The following EPHA6 variants were observed in gnomAD, a reference collection of about 807,000 sequenced individuals.
EPHA6 encodes EPH receptor A6.
EPHA6 carries 50 observed loss-of-function variants against 112.0 expected under a neutral mutation model. The observed-to-expected ratio is 0.45, with a 90% CI of 0.36 to 0.56. The LOEUF (loss-of-function observed/expected upper bound fraction) is 0.56, where lower values mean the gene tolerates loss of function less well. Among genes scored for constraint, EPHA6 ranks in the 20% least tolerant of loss-of-function variants. The probability of loss-of-function intolerance (pLI) is 0.00; values close to 1 mark genes in which losing one functional copy is unlikely to be tolerated. For missense variants in EPHA6, 1,280 were observed against 1,417.4 expected (o/e 0.90, Z 1.56); for synonymous variants, 529 against 490.7 (o/e 1.08, Z -1.03).
intron 3 of EPHA6, among the ~76,000 whole-genome samples, chr3:97,200,282 T>A (rs1244261388): frequency 1.3e-5 from 2 of 152,080 alleles, no homozygotes; most frequent in Non-Finnish European, 2.9e-5. Flanking sequence ...GGGTCAGTGC[T>A]GCAGGGAGGC....
chr3:97,338,645 A>G (rs76928231), intron 5 of EPHA6, among the ~76,000 whole-genome samples: 1 of 152,172 alleles, frequency 6.6e-6, no homozygotes, highest in South Asian at 2.1e-4. Flanking sequence ...GCTTGCAAAC[A>G]CACATTATAT....
At chr3:97,040,398 C>T (rs2045270451) in intron 3 of EPHA6, among the ~76,000 whole-genome samples, 2 of 152,016 alleles carry the variant, frequency 1.3e-5, no homozygotes. Flanking sequence ...AAAACAACTT[C>T]ATTATATCTG....
At chr3:97,447,235 C>T (rs988948169) in intron 6 of EPHA6, among the ~76,000 whole-genome samples, 2 of 152,092 alleles carry the variant, frequency 1.3e-5, no homozygotes, top group African/African-American at 4.8e-5. Context: ...AAAGCATCAC[C>T]AGCAAATACA....
intron 6 of EPHA6, among the ~76,000 whole-genome samples, chr3:97,429,185 T>C (rs1368353829): frequency 6.6e-6 from 1 of 152,108 alleles, no homozygotes; most frequent in African/African-American, 2.4e-5. Flanking sequence ...CTTTCCTGAG[T>C]TTCCAAACTT....
intron 3 of EPHA6, among the ~76,000 whole-genome samples, chr3:97,113,600 G>A (rs1163460256): frequency 3.3e-5 from 5 of 152,008 alleles, no homozygotes; most frequent in African/African-American, 1.2e-4. Context: ...AATAATGAAG[G>A]CCTGCATCCC....
intron 11 of EPHA6, among the ~76,000 whole-genome samples, chr3:97,543,171 T>C (rs1173671100): frequency 1.3e-5 from 2 of 152,242 alleles, no homozygotes; most frequent in African/African-American, 2.4e-5. Flanking sequence ...TCCTTGCCCA[T>C]GCCTATGTCC....
In EPHA6 at chr3:97,753,920, G is replaced by A. The variant is rs1428409215; in HGVS notation, c.*5219G>A. On this transcript the variant is annotated 3_prime_UTR_variant, in exon 18 of 18. Transcript: ENST00000389672. The stretch of plus-strand genomic sequence containing the variant: ...AAATTAACTTTTTTTGTTATAAGTG[G>A]ATGTGGCATAATGTACATGTATTCT... Among the ~76,000 whole-genome samples the A allele has an allele frequency of 6.6e-6, 1 of 151,928 alleles. No individual in the cohort carries two copies. The highest frequency in any genetic ancestry group is 6.6e-5 in the Admixed American group (1 of 15,246).
rs1183905667 is a variant in EPHA6 at position 97,320,288 on chromosome 3, A to G, written c.1606+76001A>G. On this transcript the variant is annotated intron_variant, in intron 5 of 17. Transcript: ENST00000389672. ...TTTCTACCTTCCATGACATCCTGCT[A>G]TGCTATAAACAGATGCATTTTAAGG... 3.3e-5 allele frequency among the ~76,000 whole-genome samples: 5 copies of G among 152,104 alleles called. No individual in the cohort carries two copies. The East Asian group carries it at 7.7e-4, about 24-fold the overall frequency.
intron 3 of EPHA6, among the ~76,000 whole-genome samples, chr3:97,167,447 A>G (rs1559769221): frequency 6.6e-6 from 1 of 151,968 alleles, no homozygotes; most frequent in Non-Finnish European, 1.5e-5. Flanking sequence ...GCCTCCATAA[A>G]TATTTATTTT....
At position 97,308,473 on chromosome 3, in the gene EPHA6, G is replaced by A. The variant is rs149861405; in HGVS notation, c.1606+64186G>A. On this transcript the variant is annotated intron_variant, in intron 5 of 17. Transcript: ENST00000389672. ...ATTAGTACTACTGAGTAAATTTGTA[G>A]CTACTTCTAGCACTATGCTGTTGTT... Among the ~76,000 whole-genome samples the A allele has an allele frequency of 5.1e-4, 77 of 151,766 alleles. No homozygotes were observed. The East Asian group carries it at 7.5e-3, about 15-fold the overall frequency.
chr3:97,178,089 T>A (rs1384724690), intron 3 of EPHA6, among the ~76,000 whole-genome samples: 1 of 152,058 alleles, frequency 6.6e-6, no homozygotes, highest in Non-Finnish European at 1.5e-5. Flanking sequence ...TATGACTTAG[T>A]TTCCTGCTTT....
chr3:97,655,594 G>T (rs946587720), intron 14 of EPHA6, among the ~76,000 whole-genome samples: 7 of 151,904 alleles, frequency 4.6e-5, no homozygotes, highest in African/African-American at 1.4e-4. Flanking sequence ...ACATACGTGT[G>T]CATGTGTCTT....
chr3:97,743,393 A>T (rs1429413677), intron 16 of EPHA6, among the ~76,000 whole-genome samples: 1 of 152,122 alleles, frequency 6.6e-6, no homozygotes, highest in East Asian at 1.9e-4. Context: ...TATTCTTTTA[A>T]AAAAATCTGT....
chr3:97,214,428 AGC>A (rs1180877409), intron 3 of EPHA6, among the ~76,000 whole-genome samples: 1 of 151,090 alleles, frequency 6.6e-6, no homozygotes, highest in Non-Finnish European at 1.5e-5. Flanking sequence ...CCAACAGAAA[AGC>A]GTGGAGTGCC....
intron 13 of EPHA6, chr3:97,612,381 T>G: frequency 4.8e-6 from 2 of 416,206 alleles, no homozygotes; most frequent in Non-Finnish European, 9.7e-6. Flanking sequence ...GTATCAGCTG[T>G]ATCCTAAAGC....
At chr3:97,017,605 A>G (rs757542126) in intron 3 of EPHA6, among the ~76,000 whole-genome samples, 1 of 152,074 alleles carries the variant, frequency 6.6e-6, no homozygotes, top group African/African-American at 2.4e-5. Context: ...TTATGGGGCA[A>G]GTGACCTACA....
intron 7 of EPHA6, among the ~76,000 whole-genome samples, chr3:97,456,915 AAT>A (rs1454293650): frequency 2.0e-5 from 3 of 152,214 alleles, no homozygotes; most frequent in Non-Finnish European, 2.9e-5. Context: ...TTTAGTGAAA[AAT>A]ATATTCTCTA....
intron 3 of EPHA6, among the ~76,000 whole-genome samples, chr3:97,181,862 C>T (rs1038954754): frequency 2.6e-5 from 4 of 152,026 alleles, no homozygotes; most frequent in African/African-American, 9.7e-5. Context: ...ACCTTCTTTT[C>T]GATGGCTCCA....
chr3:97,535,194 G>A (rs2092746536), intron 11 of EPHA6, among the ~76,000 whole-genome samples: 1 of 151,960 alleles, frequency 6.6e-6, no homozygotes, highest in African/African-American at 2.4e-5. Context: ...TTTCACATAA[G>A]CATCCAACAT....
Sources: allele counts gnomAD v4.1 joint callset (sites outside exome capture counted in the v4.1 genomes callset), GRCh38; gene constraint gnomAD v4.1.1; transcripts MANE v1.5; gene names NCBI Gene and HGNC (gene_info 2026-07-23, HGNC 2026-07-21).